The following BMPR1A variants were observed in gnomAD, a reference collection of about 807,000 sequenced individuals.
BMPR1A encodes the protein bone morphogenetic protein receptor type 1A.
BMPR1A carries 7 observed loss-of-function variants against 66.0 expected under a neutral mutation model. The ratio of observed to expected loss-of-function variants is 0.11; its 90% CI spans 0.06 to 0.20. The LOEUF (loss-of-function observed/expected upper bound fraction) is 0.20. BMPR1A is among the 10% of genes least tolerant of loss of function. BMPR1A has a pLI of 1.00. For missense variants in BMPR1A, 408 were observed against 669.1 expected, an observed-to-expected ratio of 0.61 and a Z score of 4.31; for synonymous variants, 200 against 229.7, an observed-to-expected ratio of 0.87 and a Z score of 1.17.
chr10:86,858,107 T>G (rs529723666), intron 2 of BMPR1A, among the ~76,000 whole-genome samples: 27 of 152,296 alleles, frequency 1.8e-4, no homozygotes, highest in African/African-American at 5.8e-4. Flanking sequence ...TAATATGAAT[T>G]AGTATTAATT....
At chr10:86,805,377 T>TAC (rs60828047) in intron 1 of BMPR1A, among the ~76,000 whole-genome samples, 10,059 of 143,002 alleles carry the variant, frequency 0.07, 352 homozygotes, top group Non-Finnish European at 0.089. Flanking sequence ...CTCCTACCTG[T>TAC]ACACACACAC....
At chr10:86,817,002 T>C (rs1032993907) in intron 1 of BMPR1A, among the ~76,000 whole-genome samples, 1 of 152,240 alleles carries the variant, frequency 6.6e-6, no homozygotes, top group Admixed American at 6.5e-5. Flanking sequence ...AGTGAAAAAA[T>C]GAGTCTTTGC....
At chr10:86,816,983 G>A (rs542295097) in intron 1 of BMPR1A, among the ~76,000 whole-genome samples, 8 of 152,320 alleles carry the variant, frequency 5.3e-5, no homozygotes, top group Non-Finnish European at 8.8e-5. Flanking sequence ...TTCAGATAAT[G>A]AAAGTACAAG....
At chr10:86,883,738 C>G (rs1395223981) in intron 3 of BMPR1A, among the ~76,000 whole-genome samples, 1 of 151,902 alleles carries the variant, frequency 6.6e-6, no homozygotes, top group African/African-American at 2.4e-5. Flanking sequence ...CCATTGTACT[C>G]CAGCCTGGGC....
intron 5 of BMPR1A, among the ~76,000 whole-genome samples, chr10:86,898,373 C>T (rs1032212732): frequency 6.6e-6 from 1 of 152,096 alleles, no homozygotes; most frequent in African/African-American, 2.4e-5. Context: ...TTAAATTACA[C>T]CTGTCTTTCA....
intron 1 of BMPR1A, among the ~76,000 whole-genome samples, chr10:86,774,086 G>A (rs375801626): frequency 1.3e-5 from 2 of 152,062 alleles, no homozygotes; most frequent in Non-Finnish European, 2.9e-5. Context: ...CCTGACCTCA[G>A]ATGATCGCCC....
chr10:86,802,677 C>G (rs1292517695), intron 1 of BMPR1A, among the ~76,000 whole-genome samples: 1 of 151,476 alleles, frequency 6.6e-6, no homozygotes, highest in Non-Finnish European at 1.5e-5. Flanking sequence ...TCATTAACCT[C>G]GAATGTTAGC....
intron 1 of BMPR1A, among the ~76,000 whole-genome samples, chr10:86,830,845 GT>G (rs543451981): frequency 6.7e-6 from 1 of 149,886 alleles, no homozygotes; most frequent in East Asian, 2.0e-4. Flanking sequence ...AGTTTATCGT[GT>G]TTTTTTTTCT....
intron 1 of BMPR1A, among the ~76,000 whole-genome samples, chr10:86,791,885 C>CTTTT (rs548020994): frequency 8.7e-5 from 12 of 137,526 alleles, no homozygotes; most frequent in South Asian, 2.4e-4. Flanking sequence ...CCATGCCTGG[C>CTTTT]TTTTTTTTTT....
intron 1 of BMPR1A, among the ~76,000 whole-genome samples, chr10:86,826,327 T>C (rs897970339): frequency 7.2e-5 from 11 of 152,034 alleles, no homozygotes; most frequent in Non-Finnish European, 1.5e-4. Context: ...TTTTAATTTT[T>C]GATCCAGAAA....
chr10:86,759,195 A>C (rs1408752959), intron 1 of BMPR1A, among the ~76,000 whole-genome samples: 3 of 152,170 alleles, frequency 2.0e-5, no homozygotes, highest in Admixed American at 1.3e-4. Context: ...AACTAGATGA[A>C]GAGGGGCCTT....
upstream of BMPR1A, chr10:86,756,430 G>A (rs894550385): frequency 1.3e-5 from 2 of 151,748 alleles, no homozygotes; most frequent in African/African-American, 4.8e-5. Flanking sequence ...CGGGCTCCGC[G>A]AACTCTTCGG....
intron 1 of BMPR1A, among the ~76,000 whole-genome samples, chr10:86,783,056 G>T (rs1369243669): frequency 6.6e-6 from 1 of 152,176 alleles, no homozygotes; most frequent in Non-Finnish European, 1.5e-5. Flanking sequence ...TATGGTTTAA[G>T]ATAAGGATCC....
intron 1 of BMPR1A, among the ~76,000 whole-genome samples, chr10:86,831,462 A>G (rs1842266544): frequency 6.6e-6 from 1 of 152,164 alleles, no homozygotes; most frequent in Non-Finnish European, 1.5e-5. Flanking sequence ...TTTCTTTTTT[A>G]TATAACAGTG....
At chr10:86,883,549 CAAAAAAAAAA>C (rs71019436) in intron 3 of BMPR1A, among the ~76,000 whole-genome samples, 2 of 45,412 alleles carry the variant, frequency 4.4e-5, no homozygotes, top group Admixed American at 2.7e-4. Context: ...GACTCCGTCT[CAAAAAAAAAA>C]AAAAAAAAAA....
At chr10:86,887,221 T>C (rs1214230343) in intron 3 of BMPR1A, among the ~76,000 whole-genome samples, 1 of 152,222 alleles carries the variant, frequency 6.6e-6, no homozygotes, top group Non-Finnish European at 1.5e-5. Flanking sequence ...AGGCCACATA[T>C]GTGGTTTTGA....
chr10:86,904,746 C>T (rs1023022612), intron 7 of BMPR1A, among the ~76,000 whole-genome samples: 1 of 152,176 alleles, frequency 6.6e-6, no homozygotes, highest in African/African-American at 2.4e-5. Flanking sequence ...ATCTGAGACT[C>T]AGGCCATGGA....
chr10:86,876,319 T>G (rs1589757205), intron 3 of BMPR1A, among the ~76,000 whole-genome samples: 1 of 152,290 alleles, frequency 6.6e-6, no homozygotes, highest in Non-Finnish European at 1.5e-5. Flanking sequence ...CTTCACAACA[T>G]AGGCGTAATG....
intron 2 of BMPR1A, among the ~76,000 whole-genome samples, chr10:86,845,485 C>T (rs17107107): frequency 0.073 from 11,070 of 152,176 alleles, 955 homozygotes; most frequent in African/African-American, 0.21. Flanking sequence ...GCAAAGTCTC[C>T]GAGGAACAAA....
Sources: allele counts gnomAD v4.1 joint callset (sites outside exome capture counted in the v4.1 genomes callset), GRCh38; gene constraint gnomAD v4.1.1; transcripts MANE v1.5; gene names NCBI Gene and HGNC (gene_info 2026-07-23, HGNC 2026-07-21).